Variants in MTIF2 observed in about 807,000 individuals in gnomAD.
MTIF2 encodes translation initiation factor IF-2, mitochondrial.
Under a neutral mutation model 83.5 loss-of-function variants are expected in MTIF2, and 71 were observed. The ratio of observed to expected loss-of-function variants is 0.85; its 90% CI spans 0.70 to 1.04. The LOEUF (loss-of-function observed/expected upper bound fraction) is 1.04. Among genes scored for constraint, MTIF2 ranks in the 50% least tolerant of loss-of-function variants. MTIF2 has a pLI of 0.00. For missense variants in MTIF2, 957 were observed against 846.5 expected (o/e 1.13, Z -1.62); for synonymous variants, 319 against 287.1 (o/e 1.11, Z -1.12).
intron 10 of MTIF2, among the ~76,000 whole-genome samples, chr2:55,244,687 G>T (rs35950075): frequency 6.6e-6 from 1 of 152,046 alleles, no homozygotes; most frequent in South Asian, 2.1e-4. Flanking sequence ...GGCCAAGGTG[G>T]GTGGATTGCT....
chr2:55,262,420 C>A lies in MTIF2; in HGVS notation c.227G>T (p.Gly76Val), dbSNP rs373780283. 10 of 1,601,614 alleles carry A rather than the reference C, an allele frequency of 6.2e-6. No homozygotes were observed. Among genetic ancestry groups the A allele is most frequent in the Non-Finnish European group, 8.5e-6 (10 of 1,173,876 alleles). Residue 76 changes from glycine to valine, a missense_variant, in exon 5 of 16, where the codon GGA (glycine) becomes GTA (valine). By Grantham distance (109) the Gly-to-Val change is moderately radical (BLOSUM62 -3). Transcript: ENST00000263629. ...YRLLVTKKEE[G>V]PWKSQLSSTK... ...TGAAGATAACTGAGATTTCCATGGT[C>A]CTTCTTCCTATTAAAAAAATCAGAA...
chr2:55,243,552 T>C lies in MTIF2; in HGVS notation c.1428A>G (p.Lys476=). 6.2e-7 allele frequency: 1 copy of C among 1,614,152 alleles called. No homozygotes were observed. The highest frequency in any genetic ancestry group is 8.5e-7 in the Non-Finnish European group (1 of 1,180,010). The part of the protein sequence containing the change: ...KRKEHKEAHQ[K]AREKYGHLLW... Reference sequence around the variant, plus strand: ...GTAGATGGCCATACTTCTCACGGGCTTTCTGATGTGCTTCTTTGTGTTCCT... The same window carrying C: ...GTAGATGGCCATACTTCTCACGGGCCTTCTGATGTGCTTCTTTGTGTTCCT... Residue 476 remains lysine (K), a synonymous_variant, in exon 12 of 16, where the codon AAA becomes AAG. Transcript: ENST00000263629.
chr2:55,252,471 C>G lies in MTIF2; in HGVS notation c.841+6G>C. The G allele has an allele frequency of 6.2e-7, 1 of 1,613,026 alleles. No individual in the cohort carries two copies. Among genetic ancestry groups the G allele is most frequent in the Non-Finnish European group, 8.5e-7 (1 of 1,179,182 alleles). ...TAGTAGATCCATTAAGTCAGCCACA[C>G]AGTACCCTGTGCATCTTTGGCATGC... On this transcript the variant is annotated splice_donor_region_variant and intron_variant, in intron 8 of 15. Transcript: ENST00000263629.
At chr2:55,241,866 G>A (rs1676339770) in intron 13 of MTIF2, among the ~76,000 whole-genome samples, 1 of 152,040 alleles carries the variant, frequency 6.6e-6, no homozygotes, top group African/African-American at 2.4e-5. Flanking sequence ...TCATTCAATT[G>A]GCTAGGCACA....
chr2:55,256,322 AC>A (rs1558573365), intron 5 of MTIF2, among the ~76,000 whole-genome samples: 1 of 148,600 alleles, frequency 6.7e-6, no homozygotes, highest in East Asian at 1.9e-4. Flanking sequence ...ACACACACAC[AC>A]ACACAATATA....
chr2:55,255,082 T>C (rs186105957), intron 5 of MTIF2, among the ~76,000 whole-genome samples: 39 of 152,080 alleles, frequency 2.6e-4, no homozygotes, highest in African/African-American at 8.2e-4. Context: ...ATCTGAATCA[T>C]CAATAAAACA....
intron 10 of MTIF2, among the ~76,000 whole-genome samples, chr2:55,245,418 G>A (rs1478897491): frequency 2.0e-5 from 3 of 152,164 alleles, no homozygotes; most frequent in Admixed American, 6.6e-5. Context: ...AGCTACTTGG[G>A]AGACTGAGGC....
At chr2:55,242,221 A>C (rs1676375344) in intron 13 of MTIF2, among the ~76,000 whole-genome samples, 1 of 152,156 alleles carries the variant, frequency 6.6e-6, no homozygotes, top group South Asian at 2.1e-4. Flanking sequence ...GTGCTAAGCC[A>C]GTCAGTGCCT....
At chr2:55,242,893 G>C in intron 13 of MTIF2, 47 bp downstream of exon 13, 1 of 1,569,862 alleles carries the variant, frequency 6.4e-7, no homozygotes. Context: ...AGATGGTTCA[G>C]TGTTATTTGG....
Position 55,246,467 on chromosome 2 carries a change from A to T in MTIF2, c.982-6T>A, listed in dbSNP as rs765239284. On this transcript the variant is annotated splice_polypyrimidine_tract_variant and splice_region_variant and intron_variant, in intron 9 of 15. Coordinates refer to ENST00000263629, the MANE Select transcript of MTIF2 (RefSeq NM_002453.3). ...AAAGCCATCAGATTATCGCCCTTTA[A>T]CAATAACAAACGTTGTTAATACACA... 1 of 1,612,140 alleles carries T rather than the reference A, an allele frequency of 6.2e-7. No individual in the cohort carries two copies. The highest frequency in any genetic ancestry group is 8.5e-7 in the Non-Finnish European group (1 of 1,178,440).
At position 55,244,251 on chromosome 2, in the gene MTIF2, G is replaced by C. The variant is rs1271091592; in HGVS notation, c.1107-18C>G. The C allele has an allele frequency of 6.4e-7, 1 of 1,565,504 alleles. No individual in the cohort carries two copies. The highest frequency in any genetic ancestry group is 8.8e-7 in the Non-Finnish European group (1 of 1,139,100). On this transcript the variant is annotated intron_variant, in intron 10 of 15. Coordinates refer to ENST00000263629, the MANE Select transcript of MTIF2 (RefSeq NM_002453.3). Reference sequence around the variant, plus strand: ...TAACAAGACTAAAATGAAAATAAAAGTATATTTTCAATGTCATAATGTACT... The same window carrying C: ...TAACAAGACTAAAATGAAAATAAAACTATATTTTCAATGTCATAATGTACT...
Position 55,252,602 on chromosome 2 carries a change from G to C in MTIF2, c.716C>G (p.Ala239Gly). Residue 239 changes from alanine (A) to glycine (G), a missense_variant, in exon 8 of 16, where the codon GCT becomes GGT. Physicochemically the swap from Ala to Gly is moderately conservative, Grantham distance 60 (BLOSUM62 0). Around this residue, in one of 3 missense-constraint regions of MTIF2, gnomAD observed 733 missense variants for 648.7 expected, o/e 1.13. Coordinates refer to ENST00000263629, the MANE Select transcript of MTIF2 (RefSeq NM_002453.3). ...TCTGGCTCTCATTGCTGAGAAAGCA[G>C]CATGTCCTGGAGTATCAAGAAAAGT... is the stretch of plus-strand genomic sequence containing the variant. The part of the protein sequence containing the change: ...KITFLDTPGH[A>G]AFSAMRARGA... 2 of 1,614,126 alleles carry C rather than the reference G, an allele frequency of 1.2e-6. No individual in the cohort carries two copies. The highest frequency in any genetic ancestry group is 1.3e-5 in the African/African-American group (1 of 75,056).
At position 55,244,084 on chromosome 2, in the gene MTIF2, G is replaced by C; in HGVS notation, c.1256C>G (p.Thr419Arg). The change falls in exon 11 of 16, where the codon ACA becomes AGA. Residue 419 changes from threonine to arginine, a missense_variant. Physicochemically the swap from Thr to Arg is moderately conservative, Grantham distance 71. Transcript: ENST00000263629. The part of the protein sequence containing the change: ...EAYPSMPVGI[T>R]GWRDLPSAGE... ...TGCAGAAGGAAGGTCTCTCCAGCCTGTAATTCCCACTGGCATGCTGGGATA... is the reference window on the plus strand; with the variant it reads ...TGCAGAAGGAAGGTCTCTCCAGCCTCTAATTCCCACTGGCATGCTGGGATA... 6.2e-7 allele frequency: 1 copy of C among 1,614,124 alleles called. No homozygotes were observed. The highest frequency in any genetic ancestry group is 8.5e-7 in the Non-Finnish European group (1 of 1,180,022).
At chr2:55,266,717 G>A (rs557552301) in intron 3 of MTIF2, among the ~76,000 whole-genome samples, 227 of 148,342 alleles carry the variant, frequency 1.5e-3, no homozygotes, top group African/African-American at 5.3e-3. Flanking sequence ...GGCTCTGGAC[G>A]GGTGATCTTT....
At chr2:55,242,206 G>A (rs985666930) in intron 13 of MTIF2, among the ~76,000 whole-genome samples, 3 of 151,400 alleles carry the variant, frequency 2.0e-5, no homozygotes, top group African/African-American at 7.3e-5. Flanking sequence ...CTGTATTACA[G>A]CACAGTGCTA....
rs1181406096 is a variant in MTIF2 at position 55,252,627 on chromosome 2, T to C, written c.691A>G (p.Thr231Ala). The change falls in exon 8 of 16, where the codon ACT (threonine) becomes GCT (alanine). Residue 231 changes from threonine (T) to alanine (A), a missense_variant. By Grantham distance (58) the Thr-to-Ala change is moderately conservative. Around this residue, in one of 3 missense-constraint regions of MTIF2, gnomAD observed 733 missense variants for 648.7 expected, o/e 1.13. Coordinates refer to ENST00000263629, the MANE Select transcript of MTIF2 (RefSeq NM_002453.3). The part of the protein sequence containing the change: ...LVSLPSGEKI[T>A]FLDTPGHAAF... ...GCATGTCCTGGAGTATCAAGAAAAGTTATCTTTTCCCCAGAAGGCAGAGAG... is the reference window on the plus strand; with the variant it reads ...GCATGTCCTGGAGTATCAAGAAAAGCTATCTTTTCCCCAGAAGGCAGAGAG... The C allele has an allele frequency of 3.1e-6, 5 of 1,613,224 alleles. No homozygotes were observed. The highest frequency in any genetic ancestry group is 4.2e-6 in the Non-Finnish European group (5 of 1,179,616).
chr2:55,260,041 A>G (rs1352279552), intron 5 of MTIF2, among the ~76,000 whole-genome samples: 1 of 152,204 alleles, frequency 6.6e-6, no homozygotes, highest in African/African-American at 2.4e-5. Flanking sequence ...ACATAGCCAT[A>G]TTCATTTATT....
chr2:55,248,141 G>A (rs185618622), intron 9 of MTIF2, among the ~76,000 whole-genome samples: 24 of 152,186 alleles, frequency 1.6e-4, no homozygotes, highest in Non-Finnish European at 2.8e-4. Flanking sequence ...TGACCACCTC[G>A]GCCTCCCAAA....
chr2:55,243,150 A>C (rs1676446234), intron 12 of MTIF2, 70 bp from the exon 13 acceptor site: 4 of 1,435,620 alleles, frequency 2.8e-6, no homozygotes, highest in Non-Finnish European at 9.4e-7. Flanking sequence ...AAATGACAAT[A>C]ATCTATTTAA....
Sources: gnomAD v4.1 joint callset for allele counts (sites outside exome capture counted in the v4.1 genomes callset) on GRCh38, gnomAD v4.1.1 for gene constraint, gnomAD v4.1.1 regional missense constraint, MANE v1.5 for transcripts, NCBI Gene and HGNC (gene_info 2026-07-23, HGNC 2026-07-21) for gene names.